The following TTC7A variants were observed in gnomAD, a reference collection of about 807,000 sequenced individuals.
TTC7A encodes the protein tetratricopeptide repeat domain 7A.
Under a neutral mutation model 103.7 loss-of-function variants are expected in TTC7A, and 110 were observed. That is an observed-to-expected ratio of 1.06 (90% CI 0.91 to 1.24). The LOEUF is 1.24. TTC7A is among the 50% of genes most tolerant of loss of function. The pLI is 0.00. For missense variants in TTC7A, 1,340 were observed against 1,116.3 expected, an observed-to-expected ratio of 1.20 and a Z score of -2.86; for synonymous variants, 521 against 467.9, an observed-to-expected ratio of 1.11 and a Z score of -1.47.
chr2:47,065,104 G>A (rs1048643813), intron 19 of TTC7A, among the ~76,000 whole-genome samples: 34 of 152,206 alleles, frequency 2.2e-4, no homozygotes, highest in African/African-American at 7.9e-4. Flanking sequence ...TGGCTAACAC[G>A]GTGAAACCCC....
At chr2:47,053,446 G>C (rs1159630967) in intron 18 of TTC7A, among the ~76,000 whole-genome samples, 1 of 152,216 alleles carries the variant, frequency 6.6e-6, no homozygotes, top group Non-Finnish European at 1.5e-5. Flanking sequence ...AGATTCTGCA[G>C]TTGTGGGTTG....
chr2:47,061,413 C>T (rs1314421266), intron 19 of TTC7A, among the ~76,000 whole-genome samples: 1 of 152,158 alleles, frequency 6.6e-6, no homozygotes, highest in African/African-American at 2.4e-5. Context: ...CCAAGGAGTT[C>T]CACATCTCTT....
At chr2:46,922,689 A>C (rs1286628307) in intron 2 of TTC7A, among the ~76,000 whole-genome samples, 1 of 151,872 alleles carries the variant, frequency 6.6e-6, no homozygotes, top group Non-Finnish European at 1.5e-5. Flanking sequence ...CCATTCTCTC[A>C]CTCAACAACA....
chr2:46,957,060 C>A (rs557108569), intron 3 of TTC7A, 53 bp downstream of exon 3: 1 of 1,607,432 alleles, frequency 6.2e-7, no homozygotes, highest in East Asian at 2.2e-5. Flanking sequence ...GCTCGTTGCA[C>A]TCTGACTCCC....
rs3739100 is a variant in TTC7A at position 47,051,762 on chromosome 2, G to A, written c.2034G>A (p.Ser678=). The change falls in exon 18 of 20, where the codon TCG becomes TCA. Residue 678 remains serine (S), a synonymous_variant. Transcript: ENST00000319190. The part of the protein sequence containing the change: ...HDADSGSRRA[S]SIAASRLEEA... ...GCTCTGCAGGCTCCCGGCGGGCTTC[G>A]TCCATCGCCGCCTCCCGGCTGGAGG... is the stretch of plus-strand genomic sequence containing the variant. The A allele has an allele frequency of 0.061, 98,434 of 1,610,260 alleles. 8,696 individuals are homozygous for A. The highest frequency in any genetic ancestry group is 0.48 in the East Asian group (21,379 of 44,846).
At chr2:46,974,761 G>A (rs760124366) in intron 3 of TTC7A, 3 of 652,032 alleles carry the variant, frequency 4.6e-6, no homozygotes, top group Non-Finnish European at 8.1e-6. Context: ...GATGCACTGT[G>A]ATTCCCCACG....
chr2:46,930,157 T>C (rs958604852), intron 2 of TTC7A, among the ~76,000 whole-genome samples: 1 of 152,096 alleles, frequency 6.6e-6, no homozygotes, highest in Admixed American at 6.6e-5. Context: ...AATGAAATAA[T>C]AAAGATAACA....
rs200337516 is a variant in TTC7A, at chr2:46,926,649, G to A, written c.82+9372G>A. Among the ~76,000 whole-genome samples, 7 of 152,202 alleles carry A rather than the reference G, an allele frequency of 4.6e-5. No individual in the cohort carries two copies. The East Asian group carries it at 9.6e-4, about 21-fold the overall frequency. On this transcript the variant is annotated intron_variant, in intron 2 of 20. Coordinates refer to the TTC7A transcript ENST00000409245. ...AGGTGCCTAGAAAAAGCAACTGGAC[G>A]TCCTTTCAGAAGAATATAAAATTAT...
chr2:47,052,243 G>A (rs1200592856), intron 18 of TTC7A, among the ~76,000 whole-genome samples: 2 of 152,242 alleles, frequency 1.3e-5, no homozygotes, highest in African/African-American at 2.4e-5. Context: ...ATTCATTGAA[G>A]ATGGAGGAAA....
chr2:47,060,676 A>C (rs911327162), intron 18 of TTC7A, 93 bp from the exon 19 acceptor site: 1 of 1,221,862 alleles, frequency 8.2e-7, no homozygotes, highest in Non-Finnish European at 1.2e-6. Context: ...GTCACCTAAG[A>C]CTAGTTCCCT....
At chr2:47,053,583 G>GT (rs1683075070) in intron 18 of TTC7A, among the ~76,000 whole-genome samples, 2 of 150,028 alleles carry the variant, frequency 1.3e-5, no homozygotes, top group South Asian at 4.2e-4. Flanking sequence ...TGGTTGGTTG[G>GT]TTTTTTGAGG....
chr2:47,022,024 G>C (rs781490180), intron 12 of TTC7A, 45 bp downstream of exon 12: 12 of 1,449,670 alleles, frequency 8.3e-6, no homozygotes, highest in East Asian at 2.3e-5. Context: ...GATGGCTCAG[G>C]CTTCCTAACT....
chr2:47,056,239 G>A (rs1457161271), intron 18 of TTC7A, among the ~76,000 whole-genome samples: 1 of 152,168 alleles, frequency 6.6e-6, no homozygotes, highest in Non-Finnish European at 1.5e-5. Flanking sequence ...CTTTTTCTGG[G>A]CATTTATATG....
intron 13 of TTC7A, 46 bp from the exon 14 acceptor site, chr2:47,024,241 C>A (rs1206599198): frequency 1.3e-6 from 2 of 1,531,734 alleles, no homozygotes; most frequent in East Asian, 2.5e-5. Context: ...ACACGTTGGT[C>A]ACTCAACCCC....
At chr2:46,976,677 G>T (rs905961027) in intron 4 of TTC7A, among the ~76,000 whole-genome samples, 1 of 152,176 alleles carries the variant, frequency 6.6e-6, no homozygotes, top group African/African-American at 2.4e-5. Flanking sequence ...TGGTGAGGGC[G>T]GGGGGCTGCC....
intron 2 of TTC7A, among the ~76,000 whole-genome samples, chr2:46,926,478 A>G (rs978710235): frequency 8.5e-5 from 13 of 152,208 alleles, no homozygotes; most frequent in African/African-American, 2.9e-4. Context: ...GGGAGAGTCA[A>G]GGAAGACTTC....
chr2:46,952,080 C>T (rs931243682), intron 2 of TTC7A, among the ~76,000 whole-genome samples: 3 of 152,092 alleles, frequency 2.0e-5, no homozygotes, highest in African/African-American at 7.2e-5. Context: ...ACTGGAACAC[C>T]AGGCCAGGAT....
intron 1 of TTC7A, among the ~76,000 whole-genome samples, chr2:46,945,972 A>T (rs6745578): frequency 1.3e-5 from 2 of 152,084 alleles, no homozygotes; most frequent in African/African-American, 2.4e-5. Context: ...GGCTAGACCA[A>T]TGTTTCCTGA....
At chr2:46,940,512 C>A (rs1037444691), upstream of TTC7A, among the ~76,000 whole-genome samples, 9 of 152,182 alleles carry the variant, frequency 5.9e-5, no homozygotes, top group Admixed American at 3.3e-4. The surrounding 1 kb of genome is among the most constrained non-coding windows in gnomAD (Gnocchi z 4.7). Flanking sequence ...TGGGCTAAAC[C>A]CTGCTAAGCA....
Sources: gnomAD v4.1 joint callset for allele counts (sites outside exome capture counted in the v4.1 genomes callset) on GRCh38, gnomAD v4.1.1 for gene constraint, Gnocchi (gnomAD v3.1) non-coding constraint, MANE v1.5 for transcripts, NCBI Gene and HGNC (gene_info 2026-07-23, HGNC 2026-07-21) for gene names.